The following SPDYE10 variants were observed in gnomAD, a reference collection of about 807,000 sequenced individuals.
The protein encoded by SPDYE10 is speedy protein E10.
chr7:73,149,548 A>C, the SPDYE10 span, among the ~76,000 whole-genome samples: 2 of 152,026 alleles, frequency 1.3e-5, no homozygotes, highest in East Asian at 3.9e-4. Context: ...TGGCCTCCCA[A>C]AGTGCTGGGA....
At chr7:73,114,465 C>G in the SPDYE10 span, among the ~76,000 whole-genome samples, 202 of 140,954 alleles carry the variant, frequency 1.4e-3, 2 homozygotes, top group Non-Finnish European at 2.4e-3. Context: ...CTGCCAACAC[C>G]GAGTATTCAT....
chr7:73,127,991 G>A, the SPDYE10 span, among the ~76,000 whole-genome samples: 2,405 of 126,452 alleles, frequency 0.019, 1 homozygote, highest in East Asian at 0.06. Flanking sequence ...CAGCACTAGT[G>A]CTATAGAATA....
chr7:73,138,056 G>A, the SPDYE10 span, among the ~76,000 whole-genome samples: 1 of 152,216 alleles, frequency 6.6e-6, no homozygotes, highest in Non-Finnish European at 1.5e-5. Flanking sequence ...TTCGGAGGCA[G>A]CAAAAGCTTT....
At chr7:73,137,920 AG>A in the SPDYE10 span, among the ~76,000 whole-genome samples, 12 of 113,954 alleles carry the variant, frequency 1.1e-4, no homozygotes, top group African/African-American at 3.3e-4. Flanking sequence ...GGGAAGGGGA[AG>A]GGGAGGGGAA....
the SPDYE10 span, among the ~76,000 whole-genome samples, chr7:73,115,554 CAG>C: frequency 7.0e-6 from 1 of 142,764 alleles, no homozygotes; most frequent in East Asian, 2.0e-4. Context: ...TGGTGTAAGA[CAG>C]AACAAAAACA....
chr7:73,120,809 C>A, the SPDYE10 span, among the ~76,000 whole-genome samples: 1 of 151,782 alleles, frequency 6.6e-6, no homozygotes, highest in African/African-American at 2.4e-5. Context: ...AAAAGGAAGT[C>A]TGTTATTAAC....
chr7:73,116,902 T>G, the SPDYE10 span, among the ~76,000 whole-genome samples: 15 of 151,602 alleles, frequency 9.9e-5, no homozygotes, highest in South Asian at 1.7e-3. Context: ...GATTTGTTTT[T>G]TTTTTTTTTT....
chr7:73,123,669 G>T, the SPDYE10 span, among the ~76,000 whole-genome samples: 1 of 152,084 alleles, frequency 6.6e-6, no homozygotes, highest in Admixed American at 6.5e-5. Flanking sequence ...TGTTGGCCAG[G>T]CTGGTTTTGA....
the SPDYE10 span, among the ~76,000 whole-genome samples, chr7:73,135,607 C>T: frequency 8.6e-6 from 1 of 116,572 alleles, no homozygotes; most frequent in Admixed American, 8.9e-5. Flanking sequence ...CTCACTGCAA[C>T]CTCCGCTTCC....
the SPDYE10 span, among the ~76,000 whole-genome samples, chr7:73,115,005 C>T: frequency 1.3e-5 from 2 of 152,074 alleles, no homozygotes; most frequent in African/African-American, 2.4e-5. Context: ...CAAGCGATTC[C>T]CCCACCTCAG....
chr7:73,134,368 T>C, the SPDYE10 span, among the ~76,000 whole-genome samples: 1 of 123,286 alleles, frequency 8.1e-6, no homozygotes, highest in Non-Finnish European at 1.7e-5. Context: ...CCAGGGCCTG[T>C]TGTGCGGTGG....
At chr7:73,113,473 G>A in the SPDYE10 span, among the ~76,000 whole-genome samples, 1 of 128,624 alleles carries the variant, frequency 7.8e-6, no homozygotes, top group South Asian at 2.8e-4. Context: ...TAGGAGTTAG[G>A]GGCTGCAGTG....
chr7:73,118,090 GC>G, the SPDYE10 span, among the ~76,000 whole-genome samples: 1 of 147,766 alleles, frequency 6.8e-6, no homozygotes, highest in Non-Finnish European at 1.5e-5. Context: ...GGAGAAGGTT[GC>G]AGTGAGCTGA....
the SPDYE10 span, among the ~76,000 whole-genome samples, chr7:73,113,849 C>G: frequency 6.6e-6 from 1 of 151,808 alleles, no homozygotes; most frequent in Non-Finnish European, 1.5e-5. Flanking sequence ...TCCTGGCTAA[C>G]ACCCCATCTC....
chr7:73,135,279 A>C, the SPDYE10 span, among the ~76,000 whole-genome samples: 1,431 of 146,318 alleles, frequency 9.8e-3, no homozygotes, highest in Admixed American at 0.016. Flanking sequence ...ACGGGCACCA[A>C]GGAGAAGCCC....
the SPDYE10 span, among the ~76,000 whole-genome samples, chr7:73,116,664 G>A: frequency 1.3e-5 from 2 of 148,250 alleles, no homozygotes; most frequent in Non-Finnish European, 3.0e-5. Context: ...GCCCAGGCTG[G>A]TTTCAAGCTT....
chr7:73,153,355 G>A, the SPDYE10 span, among the ~76,000 whole-genome samples: 1 of 35,992 alleles, frequency 2.8e-5, no homozygotes, highest in Admixed American at 3.0e-4. Flanking sequence ...GCTTATGCCT[G>A]TAATCCCAGC....
At chr7:73,115,106 A>G in the SPDYE10 span, among the ~76,000 whole-genome samples, 1 of 151,470 alleles carries the variant, frequency 6.6e-6, no homozygotes, top group African/African-American at 2.4e-5. Context: ...ATGTTGACCA[A>G]GCTGGTCTTG....
At chr7:73,150,907 A>AAAATATAT in the SPDYE10 span, among the ~76,000 whole-genome samples, 1 of 11,574 alleles carries the variant, frequency 8.6e-5, no homozygotes, top group Non-Finnish European at 1.4e-4. Context: ...AAAAAAAAAA[A>AAAATATAT]ATATATATAT....
Sources: gnomAD v4.1 joint callset for allele counts (sites outside exome capture counted in the v4.1 genomes callset) on GRCh38, gnomAD v4.1.1 for gene constraint, MANE v1.5 for transcripts, NCBI Gene and HGNC (gene_info 2026-07-23, HGNC 2026-07-21) for gene names.